The following SVBP variants were observed in gnomAD, a reference collection of about 807,000 sequenced individuals.
SVBP encodes the protein small vasohibin-binding protein.
SVBP carries 9 observed loss-of-function variants against 9.2 expected under a neutral mutation model. That is an observed-to-expected ratio of 0.98 (90% CI 0.59 to 1.71). SVBP has a LOEUF of 1.71. Among genes scored for constraint, SVBP ranks in the 40% most tolerant of loss-of-function variants. SVBP has a pLI of 0.00. For missense variants in SVBP, 63 were observed against 73.2 expected (o/e 0.86, Z 0.51); for synonymous variants, 27 against 23.9 (o/e 1.13, Z -0.37).
chr1:42,812,971 T>G (rs956623935), intron 2 of SVBP, among the ~76,000 whole-genome samples: 147 of 152,330 alleles, frequency 9.7e-4, no homozygotes, highest in African/African-American at 3.4e-3. Flanking sequence ...GGCACAAGTT[T>G]TTTTTGCCAA....
In SVBP at chr1:42,807,421, C is replaced by A. The variant is rs767347783; in HGVS notation, c.194G>T (p.Gly65Val). The change falls in exon 3 of 3, where the codon GGA (glycine) becomes GTA (valine). Residue 65 changes from glycine (G) to valine (V), a missense_variant. Coordinates refer to ENST00000372521, the MANE Select transcript of SVBP (RefSeq NM_199342.4). ...TGGTTTGAACCTGGGGCCTCATTCT[C>A]CAGGAGGCTGCATCTGTTTACAGAA... ...DEFCKQMQPP[G>V]E 1.2e-6 allele frequency: 2 copies of A among 1,613,450 alleles called. No individual in the cohort carries two copies. The highest frequency in any genetic ancestry group is 1.7e-6 in the Non-Finnish European group (2 of 1,179,480).
At chr1:42,808,209 TAA>T (rs1245632799) in intron 2 of SVBP, among the ~76,000 whole-genome samples, 52 of 141,832 alleles carry the variant, frequency 3.7e-4, no homozygotes, top group Admixed American at 1.0e-3. Flanking sequence ...ATAGCTTATA[TAA>T]GTTATAAGTA....
intron 2 of SVBP, among the ~76,000 whole-genome samples, chr1:42,807,988 G>A (rs956839312): frequency 2.0e-5 from 3 of 151,422 alleles, no homozygotes; most frequent in Non-Finnish European, 2.9e-5. Context: ...CCAATATAAA[G>A]GATATTATAG....
intron 1 of SVBP, 102 bp downstream of exon 1, chr1:42,817,086 CCG>C: frequency 3.9e-6 from 3 of 777,528 alleles, no homozygotes; most frequent in Non-Finnish European, 3.2e-6. Context: ...CCGCCCCGGC[CCG>C]CCCGGCCCCA....
At chr1:42,807,614 T>G in intron 2 of SVBP, 114 bp from the exon 3 acceptor site, 2 of 762,954 alleles carry the variant, frequency 2.6e-6, no homozygotes, top group Non-Finnish European at 4.6e-6. Context: ...GTAGTGGTAA[T>G]GCAGGGACAG....
chr1:42,817,304 C>T lies in SVBP; in HGVS notation c.-151G>A, dbSNP rs1654262684. The T allele has an allele frequency of 5.0e-6, 6 of 1,192,224 alleles. No individual in the cohort carries two copies. The highest frequency in any genetic ancestry group is 1.4e-5 in the South Asian group (1 of 73,470). The allele number at this position is 1,192,224 out of a possible 1,614,324, so 73.9% of individuals were successfully genotyped here. A position where few individuals can be genotyped will look rare whatever the true frequency, so the allele number is the denominator to read the frequency against. ...TGGACCCAGCGCTGCCTGCCCACCGCCCCTCGTCCTGGGCGGGGCCGCGCG... is the reference window on the plus strand; with the variant it reads ...TGGACCCAGCGCTGCCTGCCCACCGTCCCTCGTCCTGGGCGGGGCCGCGCG... On this transcript the variant is annotated 5_prime_UTR_variant, in exon 1 of 3. Coordinates refer to ENST00000372521, the MANE Select transcript of SVBP (RefSeq NM_199342.4).
intron 2 of SVBP, among the ~76,000 whole-genome samples, chr1:42,808,578 A>G (rs1654016872): frequency 1.4e-5 from 2 of 146,902 alleles, no homozygotes; most frequent in Admixed American, 6.9e-5. Context: ...TATATACTAT[A>G]TAGTATATAT....
chr1:42,814,790 C>A (rs1286171771), intron 2 of SVBP, among the ~76,000 whole-genome samples: 1 of 152,146 alleles, frequency 6.6e-6, no homozygotes, highest in Non-Finnish European at 1.5e-5. Flanking sequence ...CTAGTTCAAC[C>A]ATTATGGAAG....
At chr1:42,815,546 C>CA (rs1017572517) in intron 2 of SVBP, among the ~76,000 whole-genome samples, 5 of 151,576 alleles carry the variant, frequency 3.3e-5, no homozygotes, top group Non-Finnish European at 7.4e-5. Flanking sequence ...TTTGTAATAG[C>CA]AAAAAATACT....
At chr1:42,811,435 G>A (rs757303095) in intron 2 of SVBP, among the ~76,000 whole-genome samples, 9 of 152,170 alleles carry the variant, frequency 5.9e-5, no homozygotes, top group Non-Finnish European at 1.3e-4. Flanking sequence ...GGCTTGGCTC[G>A]GTCCTGGCAC....
At chr1:42,814,394 C>T (rs1654151883) in intron 2 of SVBP, among the ~76,000 whole-genome samples, 1 of 151,428 alleles carries the variant, frequency 6.6e-6, no homozygotes, top group Non-Finnish European at 1.5e-5. Flanking sequence ...ATGAATGAAT[C>T]AGGTTAACAA....
Position 42,817,226 on chromosome 1 carries a change from C to G in SVBP, c.-73G>C. 1 of 1,256,302 alleles carries G rather than the reference C, an allele frequency of 8.0e-7. No individual in the cohort carries two copies. Among genetic ancestry groups the G allele is most frequent in the Non-Finnish European group, 1.0e-6 (1 of 974,024 alleles). 77.8% of individuals were successfully genotyped at this position (1,256,302 alleles called of 1,614,324 possible). ...GGGCCACTGGAAGTTGGAGCCTCCG[C>G]CGAGTCGCAGACAACGCCTCCGGGA... On this transcript the variant is annotated 5_prime_UTR_variant, in exon 1 of 3. Transcript: ENST00000372521.
intron 2 of SVBP, among the ~76,000 whole-genome samples, chr1:42,812,271 G>C (rs535437251): frequency 2.7e-4 from 41 of 152,266 alleles, no homozygotes; most frequent in African/African-American, 9.6e-4. Flanking sequence ...GTACAGCTAG[G>C]CTCAGCAGCA....
chr1:42,809,515 G>A (rs181813146), intron 2 of SVBP, among the ~76,000 whole-genome samples: 5 of 152,232 alleles, frequency 3.3e-5, no homozygotes, highest in Admixed American at 2.0e-4. Flanking sequence ...GAACTAGAAA[G>A]AAGACTTAAC....
rs755385512 is a variant in SVBP at position 42,807,398 on chromosome 1, GT to G, written c.*15del. The G allele has an allele frequency of 2.7e-5, 44 of 1,604,566 alleles. 1 individual carries two copies. In the South Asian group the frequency reaches 4.7e-4, roughly 17 times the overall value. ...CTCAAAGCTCTCAGGATCCCATCTG[GT>G]TTGAACCTGGGGCCTCATTCTCCAG... On this transcript the variant is annotated 3_prime_UTR_variant, in exon 3 of 3. Transcript: ENST00000372521.
Position 42,817,219 on chromosome 1 carries a change from G to C in SVBP, c.-66C>G. On this transcript the variant is annotated 5_prime_UTR_variant, in exon 1 of 3. Coordinates refer to ENST00000372521, the MANE Select transcript of SVBP (RefSeq NM_199342.4). ...CCCGACCGGGCCACTGGAAGTTGGA[G>C]CCTCCGCCGAGTCGCAGACAACGCC... The C allele has an allele frequency of 1.1e-5, 14 of 1,256,276 alleles. No individual in the cohort carries two copies. The highest frequency in any genetic ancestry group is 1.4e-5 in the Non-Finnish European group (14 of 974,040). 77.8% of individuals were successfully genotyped at this position (1,256,276 alleles called of 1,614,324 possible). A position where few individuals can be genotyped will look rare whatever the true frequency, so the allele number is the denominator to read the frequency against.
chr1:42,813,359 C>T (rs868324752), intron 2 of SVBP: 23 of 367,204 alleles, frequency 6.3e-5, no homozygotes, highest in African/African-American at 3.1e-4. Context: ...AGAAAAAATA[C>T]GCATTTAACT....
At chr1:42,810,141 C>CAA (rs1654050937) in intron 2 of SVBP, among the ~76,000 whole-genome samples, 3 of 151,214 alleles carry the variant, frequency 2.0e-5, no homozygotes, top group African/African-American at 7.4e-5. Context: ...CACACACACA[C>CAA]ACACACACAC....
In SVBP at chr1:42,816,559, A is replaced by G; in HGVS notation, c.-15T>C. On this transcript the variant is annotated 5_prime_UTR_variant, in exon 2 of 3. Coordinates refer to ENST00000372521, the MANE Select transcript of SVBP (RefSeq NM_199342.4). ...GGTGGATCCATGGCTTGACTTCTGG[A>G]TATTTCTTAGGAGGCTCTGATCTGG... The G allele has an allele frequency of 1.3e-6, 2 of 1,577,234 alleles. No homozygotes were observed. The highest frequency in any genetic ancestry group is 1.7e-6 in the Non-Finnish European group (2 of 1,146,694).
Sources: gnomAD v4.1 joint callset for allele counts (sites outside exome capture counted in the v4.1 genomes callset) on GRCh38, gnomAD v4.1.1 for gene constraint, MANE v1.5 for transcripts, NCBI Gene and HGNC (gene_info 2026-07-23, HGNC 2026-07-21) for gene names.